The following PIEZO2 variants were observed in gnomAD, a reference collection of about 807,000 sequenced individuals.
PIEZO2 encodes piezo type mechanosensitive ion channel component 2.
A neutral mutation model predicts 337.3 loss-of-function variants in PIEZO2; 172 were observed. The ratio of observed to expected loss-of-function variants is 0.51; its 90% confidence interval spans 0.45 to 0.58. PIEZO2 has a LOEUF of 0.58. PIEZO2 is among the 20% of genes least tolerant of loss of function. PIEZO2 has a pLI of 0.00. For missense variants in PIEZO2, 3,028 were observed against 3,391.3 expected (o/e 0.89, Z 2.66); for synonymous variants, 1,251 against 1,228.5 (o/e 1.02, Z -0.38).
chr18:11,025,587 G>A, intron 2 of PIEZO2, among the ~76,000 whole-genome samples: 1 of 152,142 alleles, frequency 6.6e-6, no homozygotes, highest in East Asian at 1.9e-4. Flanking sequence ...AGGAAACCCA[G>A]CTCCTCTGTG....
intron 1 of PIEZO2, among the ~76,000 whole-genome samples, chr18:11,103,973 G>A (rs1393550735): frequency 1.3e-5 from 2 of 151,968 alleles, no homozygotes; most frequent in Admixed American, 6.6e-5. Flanking sequence ...CTACAGGCAC[G>A]CACCACCACA....
In PIEZO2 at chr18:11,003,296, C is replaced by T. The variant is rs1445273810; in HGVS notation, c.161-23636G>A. ...TGTTTTGTTTTGCCAATTCACTTAA[C>T]AAACCACAGTAAATCCTCACTTATC... On this transcript the variant is annotated intron_variant, in intron 2 of 55. Transcript: ENST00000674853. The surrounding 1 kb of genome is among the most constrained non-coding windows in gnomAD (Gnocchi z 4.6). 2.0e-5 allele frequency among the ~76,000 whole-genome samples: 3 copies of T among 152,172 alleles called. No homozygotes were observed. The highest frequency in any genetic ancestry group is 4.8e-5 in the African/African-American group (2 of 41,422).
intron 11 of PIEZO2, among the ~76,000 whole-genome samples, chr18:10,798,978 G>C (rs559943207): frequency 1.2e-4 from 18 of 152,232 alleles, no homozygotes; most frequent in African/African-American, 4.1e-4. Flanking sequence ...TGGGTGTGAG[G>C]GTGGGGTGGG....
At position 11,023,914 on chromosome 18, in the gene PIEZO2, G is replaced by A. The variant is rs1047870698; in HGVS notation, c.160+42213C>T. Among the ~76,000 whole-genome samples, 80 of 152,342 alleles carry A rather than the reference G, an allele frequency of 5.3e-4. 1 individual carries two copies. Among genetic ancestry groups the A allele is most frequent in the African/African-American group, 1.9e-3 (77 of 41,588 alleles). On this transcript the variant is annotated intron_variant, in intron 2 of 55. Coordinates refer to ENST00000674853, the MANE Select transcript of PIEZO2 (RefSeq NM_001378183.1). ...GGTGCTAAGCCCCTCATTGCCCGGG[G>A]CCGGCAGGACTGGCCGGCCGTTCTG...
Position 10,888,295 on chromosome 18 carries a change from T to G in PIEZO2, c.330-16880A>C, listed in dbSNP as rs983577608. On this transcript the variant is annotated intron_variant, in intron 4 of 55. Transcript: ENST00000674853. This position sits in a 1 kb window ranked among gnomAD's most constrained non-coding sequence, Gnocchi z 4.1. ...TTCTGATGCTGAAATTGCCCCTGAGTTGTGAGGGCCCCTCCACGCTGGCTC... is the reference window on the plus strand; with the variant it reads ...TTCTGATGCTGAAATTGCCCCTGAGGTGTGAGGGCCCCTCCACGCTGGCTC... Among the ~76,000 whole-genome samples, 1 of 152,140 alleles carries G rather than the reference T, an allele frequency of 6.6e-6. No individual in the cohort carries two copies. The highest frequency in any genetic ancestry group is 1.5e-5 in the Non-Finnish European group (1 of 68,030).
At chr18:11,074,411 T>C (rs769186965) in intron 1 of PIEZO2, among the ~76,000 whole-genome samples, 18 of 152,266 alleles carry the variant, frequency 1.2e-4, no homozygotes, top group Non-Finnish European at 2.5e-4. Context: ...TTTAGCATTG[T>C]AGTTTCCACT....
chr18:10,718,041 T>C (rs1237695124), intron 37 of PIEZO2, among the ~76,000 whole-genome samples, 159 bp downstream of exon 37: 3 of 152,206 alleles, frequency 2.0e-5, no homozygotes, highest in Admixed American at 6.5e-5. Context: ...ATTTTGCAAT[T>C]TCAGTGGAGA....
intron 2 of PIEZO2, among the ~76,000 whole-genome samples, chr18:11,022,566 C>T (rs557451775): frequency 2.6e-5 from 4 of 152,168 alleles, no homozygotes; most frequent in Non-Finnish European, 5.9e-5. Flanking sequence ...TCCTTGGTGT[C>T]TTCCTCCTCT....
At chr18:10,892,669 G>A (rs560805869) in intron 4 of PIEZO2, among the ~76,000 whole-genome samples, 44 of 152,230 alleles carry the variant, frequency 2.9e-4, no homozygotes, top group African/African-American at 1.0e-3. Flanking sequence ...AGAGAAAGAT[G>A]GGGAGAGGGG....
At position 11,086,326 on chromosome 18, in the gene PIEZO2, C is replaced by T. The variant is rs189379431; in HGVS notation, c.65-20104G>A. Among the ~76,000 whole-genome samples, 13 of 152,190 alleles carry T rather than the reference C, an allele frequency of 8.5e-5. No individual in the cohort carries two copies. In the East Asian group the frequency reaches 2.1e-3, roughly 25 times the overall value. ...ATGAGGTCAGGAGATCGAGACCATC[C>T]TGGCTAACACGGTGAAACCCCGTCT... is the stretch of plus-strand genomic sequence containing the variant. On this transcript the variant is annotated intron_variant, in intron 1 of 55. Transcript: ENST00000674853.
At chr18:10,936,834 T>G (rs529597289) in intron 3 of PIEZO2, among the ~76,000 whole-genome samples, 1 of 152,336 alleles carries the variant, frequency 6.6e-6, no homozygotes, top group Non-Finnish European at 1.5e-5. Context: ...AACCAACAAG[T>G]GCTCCTTCCA....
In PIEZO2 at chr18:10,713,114, G is replaced by A. The variant is rs1032464548; in HGVS notation, c.5423+1650C>T. Among the ~76,000 whole-genome samples, 2 of 151,858 alleles carry A rather than the reference G, an allele frequency of 1.3e-5. No homozygotes were observed. The highest frequency in any genetic ancestry group is 3.2e-3 in the Middle Eastern group (1 of 316). On this transcript the variant is annotated intron_variant, in intron 39 of 55. Transcript: ENST00000674853. The surrounding 1 kb of genome is among the most constrained non-coding windows in gnomAD (Gnocchi z 4.5). ...CGAATATTACTTCTAAATCAATCTA[G>A]GCATGAATATATATATTTTAAATTA...
intron 2 of PIEZO2, among the ~76,000 whole-genome samples, chr18:10,991,526 C>T (rs2035102847): frequency 6.6e-6 from 1 of 152,022 alleles, no homozygotes; most frequent in Admixed American, 6.6e-5. Context: ...TGATGGTTTC[C>T]AGCTTCATCC....
chr18:10,828,704 T>C lies in PIEZO2; in HGVS notation c.918-21430A>G, dbSNP rs558733406. On this transcript the variant is annotated intron_variant, in intron 7 of 55. Transcript: ENST00000674853. The surrounding 1 kb of genome is among the most constrained non-coding windows in gnomAD (Gnocchi z 4.1). ...GGTCATATGTTCAGAGGAACTCTAC[T>C]GTCTGGAGTCTGAGCATCTGTAAGA... 6.6e-6 allele frequency among the ~76,000 whole-genome samples: 1 copy of C among 152,328 alleles called. No homozygotes were observed. The highest frequency in any genetic ancestry group is 1.9e-4 in the East Asian group (1 of 5,176).
intron 1 of PIEZO2, among the ~76,000 whole-genome samples, chr18:11,076,605 C>A (rs144215257): frequency 6.6e-6 from 1 of 151,632 alleles, no homozygotes; most frequent in Non-Finnish European, 1.5e-5. Context: ...ATTTAGTATA[C>A]AAAGGTAGGA....
In PIEZO2 at chr18:11,083,354, G is replaced by A. The variant is rs1425182309; in HGVS notation, c.65-17132C>T. 6.6e-6 allele frequency among the ~76,000 whole-genome samples: 1 copy of A among 152,234 alleles called. No individual in the cohort carries two copies. Among genetic ancestry groups the A allele is most frequent in the Non-Finnish European group, 1.5e-5 (1 of 68,040 alleles). On this transcript the variant is annotated intron_variant, in intron 1 of 55. Transcript: ENST00000674853. The surrounding 1 kb of genome is among the most constrained non-coding windows in gnomAD (Gnocchi z 4.4). The stretch of plus-strand genomic sequence containing the variant: ...GAGGCCAGGATCAGAATTTCTCTCA[G>A]AAGAGGAACTATATTTGTTTGGATG...
In PIEZO2 at chr18:11,146,307, A is replaced by C. The variant is rs1010890743; in HGVS notation, c.64+2218T>G. 6.6e-6 allele frequency among the ~76,000 whole-genome samples: 1 copy of C among 152,200 alleles called. No homozygotes were observed. Among genetic ancestry groups the C allele is most frequent in the Admixed American group, 6.5e-5 (1 of 15,292 alleles). ...GAAAGTCCAGGATCAAAGTGGACTC[A>C]GGCAGCGGGAGCCCCCAGCCTGCCC... On this transcript the variant is annotated intron_variant, in intron 1 of 55. Transcript: ENST00000674853. The surrounding 1 kb of genome is among the most constrained non-coding windows in gnomAD (Gnocchi z 6.1).
chr18:11,135,103 G>A (rs949857409), intron 1 of PIEZO2, among the ~76,000 whole-genome samples: 2 of 152,184 alleles, frequency 1.3e-5, no homozygotes, highest in African/African-American at 2.4e-5. Flanking sequence ...GAATTGGGAT[G>A]AGGAATACAC....
chr18:11,024,104 G>T (rs891956037), intron 2 of PIEZO2, among the ~76,000 whole-genome samples: 1 of 152,220 alleles, frequency 6.6e-6, no homozygotes, highest in Non-Finnish European at 1.5e-5. Context: ...ACAGTGCAGC[G>T]GTGAGCTGAA....
Sources: gnomAD v4.1 joint callset for allele counts (sites outside exome capture counted in the v4.1 genomes callset) on GRCh38, gnomAD v4.1.1 for gene constraint, Gnocchi (gnomAD v3.1) non-coding constraint, MANE v1.5 for transcripts, NCBI Gene and HGNC (gene_info 2026-07-23, HGNC 2026-07-21) for gene names.